The following LRP1B variants were observed in gnomAD, a reference collection of about 807,000 sequenced individuals.
LRP1B encodes the protein LDL receptor related protein 1B, also known as low-density lipoprotein receptor-related protein 1B.
Under a neutral mutation model 556.6 loss-of-function variants are expected in LRP1B, and 217 were observed. The observed-to-expected ratio is 0.39, with a 90% confidence interval of 0.35 to 0.44. LRP1B has a LOEUF of 0.44. LRP1B is among the 20% of genes least tolerant of loss of function. The pLI, the probability that LRP1B is intolerant of heterozygous loss-of-function variation, is 1.00. For synonymous variants in LRP1B, 2,047 were observed against 1,865.8 expected (o/e 1.10, Z -2.50); for missense variants, 5,053 against 5,620.8 (o/e 0.90, Z 3.23).
intron 83 of LRP1B, among the ~76,000 whole-genome samples, chr2:140,312,474 A>G (rs564557679): frequency 6.6e-6 from 1 of 151,980 alleles, no homozygotes; most frequent in Admixed American, 6.6e-5. Flanking sequence ...TAGAGAATAA[A>G]TGTTCATAAA....
chr2:141,848,680 T>C (rs1697740760), intron 1 of LRP1B, among the ~76,000 whole-genome samples: 1 of 151,576 alleles, frequency 6.6e-6, no homozygotes, highest in Non-Finnish European at 1.5e-5. Context: ...TCAAAAACAT[T>C]ATATTTATAT....
chr2:141,143,095 A>AT lies in LRP1B; in HGVS notation c.1013+45325dup, dbSNP rs575543412. Reference sequence around the variant, plus strand: ...AGGCGCGTGCTACCACGCCTGGCTAATTTTTTTGTATTTTTAGTAAAGACG... The same window carrying AT: ...AGGCGCGTGCTACCACGCCTGGCTAATTTTTTTTGTATTTTTAGTAAAGACG... On this transcript the variant is annotated intron_variant, in intron 7 of 90. Coordinates refer to ENST00000389484, the MANE Select transcript of LRP1B (RefSeq NM_018557.3). Among the ~76,000 whole-genome samples, 6 of 151,636 alleles carry AT rather than the reference A, an allele frequency of 4.0e-5. No individual in the cohort carries two copies. In the East Asian group the frequency reaches 9.8e-4, roughly 25 times the overall value.
chr2:140,942,647 T>C (rs1235874674), intron 20 of LRP1B, among the ~76,000 whole-genome samples: 3 of 152,008 alleles, frequency 2.0e-5, no homozygotes, highest in Non-Finnish European at 4.4e-5. Context: ...AGTATTCTTA[T>C]AAGAAACACC....
At chr2:140,237,114 C>A (rs1573664452) in intron 89 of LRP1B, among the ~76,000 whole-genome samples, 1 of 150,866 alleles carries the variant, frequency 6.6e-6, no homozygotes, top group African/African-American at 2.4e-5. Flanking sequence ...ACACCAAAAC[C>A]CATTCCTCTT....
chr2:140,463,221 A>C (rs945308776), intron 60 of LRP1B, among the ~76,000 whole-genome samples: 2 of 152,106 alleles, frequency 1.3e-5, no homozygotes, highest in African/African-American at 4.8e-5. Flanking sequence ...GAAGAGTGAC[A>C]AAGAGTGGGT....
intron 6 of LRP1B, among the ~76,000 whole-genome samples, chr2:141,210,113 C>T (rs544732047): frequency 8.8e-4 from 133 of 151,302 alleles, no homozygotes; most frequent in East Asian, 3.7e-3. Flanking sequence ...AACTGAAATG[C>T]GGCGTGCATT....
chr2:142,086,933 AT>A lies in LRP1B; in HGVS notation c.82+43714del, dbSNP rs199586688. On this transcript the variant is annotated intron_variant, in intron 1 of 90. Transcript: ENST00000389484. Reference sequence around the variant, plus strand: ...ATTTTCTTTTCTGCCTCTGTGAAGTATTTTTTTTTCCAATCTCTGCCCTTCC... The same window carrying A: ...ATTTTCTTTTCTGCCTCTGTGAAGTATTTTTTTTCCAATCTCTGCCCTTCC... 3.7e-3 allele frequency among the ~76,000 whole-genome samples: 566 copies of A among 151,416 alleles called. 3 individuals carry two copies. The highest frequency in any genetic ancestry group is 0.011 in the African/African-American group (472 of 41,274).
At chr2:140,674,672 C>T (rs988957674) in intron 41 of LRP1B, among the ~76,000 whole-genome samples, 3 of 152,170 alleles carry the variant, frequency 2.0e-5, no homozygotes, top group African/African-American at 2.4e-5. Flanking sequence ...TATAAAACCA[C>T]GCTGTAACCC....
intron 47 of LRP1B, among the ~76,000 whole-genome samples, chr2:140,531,782 T>C (rs1690704785): frequency 6.6e-6 from 1 of 152,100 alleles, no homozygotes; most frequent in South Asian, 2.1e-4. Flanking sequence ...AGCGAGTATC[T>C]ACTATTGGCC....
chr2:141,465,841 T>A (rs1197474765), intron 3 of LRP1B, among the ~76,000 whole-genome samples: 1 of 148,954 alleles, frequency 6.7e-6, no homozygotes, highest in Non-Finnish European at 1.5e-5. Context: ...CCACTGTGCC[T>A]GGCCTATAGC....
intron 3 of LRP1B, among the ~76,000 whole-genome samples, chr2:141,365,897 TCTC>T (rs1689017000): frequency 6.6e-6 from 1 of 152,070 alleles, no homozygotes; most frequent in Non-Finnish European, 1.5e-5. Flanking sequence ...ATGGTCTTGA[TCTC>T]CTGACCTTGT....
intron 3 of LRP1B, among the ~76,000 whole-genome samples, chr2:141,455,046 A>G (rs1475180796): frequency 3.9e-5 from 6 of 152,170 alleles, no homozygotes; most frequent in African/African-American, 1.4e-4. Flanking sequence ...TCTACCAGTG[A>G]CCAGTTAATC....
intron 49 of LRP1B, among the ~76,000 whole-genome samples, chr2:140,520,798 G>GAA (rs757383865): frequency 0.67 from 57,173 of 85,878 alleles, 17,696 homozygotes; most frequent in Middle Eastern, 0.78. Context: ...TAAGAAAACA[G>GAA]AAAAAAAAAA....
intron 2 of LRP1B, among the ~76,000 whole-genome samples, chr2:141,638,085 G>T (rs576155259): frequency 1.3e-5 from 2 of 152,122 alleles, no homozygotes; most frequent in African/African-American, 4.8e-5. Flanking sequence ...TGTAGTCCCA[G>T]ATACTTGGAA....
At chr2:140,691,052 T>C (rs1272333669) in intron 41 of LRP1B, among the ~76,000 whole-genome samples, 4 of 152,204 alleles carry the variant, frequency 2.6e-5, no homozygotes, top group African/African-American at 9.6e-5. Flanking sequence ...GTTGATTTTT[T>C]AGCCTTTTTA....
intron 1 of LRP1B, among the ~76,000 whole-genome samples, chr2:142,126,250 A>G (rs1707647328): frequency 6.6e-6 from 1 of 150,670 alleles, no homozygotes; most frequent in Non-Finnish European, 1.5e-5. Flanking sequence ...AATAACTTAA[A>G]ATTTTTTTCA....
At chr2:140,946,438 A>G (rs1695549941) in intron 20 of LRP1B, among the ~76,000 whole-genome samples, 1 of 152,078 alleles carries the variant, frequency 6.6e-6, no homozygotes, top group South Asian at 2.1e-4. Context: ...CATCTCTATT[A>G]AATATATGAA....
intron 40 of LRP1B, 136 bp from the exon 41 acceptor site, chr2:140,700,757 T>TAA: frequency 1.2e-6 from 1 of 856,750 alleles, no homozygotes; most frequent in South Asian, 1.9e-5. Context: ...AGCTGGTCAA[T>TAA]AAAAAATTAA....
chr2:141,906,509 CTTAA>C (rs1042326912), intron 1 of LRP1B, among the ~76,000 whole-genome samples: 33 of 151,988 alleles, frequency 2.2e-4, no homozygotes, highest in African/African-American at 7.5e-4. Context: ...GTTTTTTTAT[CTTAA>C]TTGTTACAAT....
Sources: gnomAD v4.1 joint callset for allele counts (sites outside exome capture counted in the v4.1 genomes callset) on GRCh38, gnomAD v4.1.1 for gene constraint, MANE v1.5 for transcripts, NCBI Gene and HGNC (gene_info 2026-07-23, HGNC 2026-07-21) for gene names.